ADD2: variants seen among roughly 807,000 people sequenced by gnomAD.
ADD2 encodes beta-adducin.
A neutral mutation model predicts 83.0 loss-of-function variants in ADD2; 23 were observed. The observed-to-expected ratio is 0.28, with a 90% CI of 0.20 to 0.39. The LOEUF (loss-of-function observed/expected upper bound fraction) is 0.39. Among genes scored for constraint, ADD2 ranks in the 10% least tolerant of loss-of-function variants. ADD2 has a pLI of 1.00. For missense variants in ADD2, 758 were observed against 944.9 expected (o/e 0.80, Z 2.59); for synonymous variants, 375 against 375.4 (o/e 1.00, Z 0.01).
intron 1 of ADD2, chr2:70,741,214 C>T (rs1354758513): frequency 6.6e-6 from 1 of 152,176 alleles, no homozygotes; most frequent in African/African-American, 2.4e-5. Context: ...CGGCAAAGAA[C>T]AGTAGCTTAT....
At chr2:70,682,332 A>G (rs573309675) in intron 10 of ADD2, among the ~76,000 whole-genome samples, 1 of 152,338 alleles carries the variant, frequency 6.6e-6, no homozygotes, top group African/African-American at 2.4e-5. Flanking sequence ...GTATGAAACC[A>G]TCTAGTCGCG....
chr2:70,702,152 A>C (rs1671616124), intron 4 of ADD2, among the ~76,000 whole-genome samples: 1 of 152,320 alleles, frequency 6.6e-6, no homozygotes, highest in African/African-American at 2.4e-5. Flanking sequence ...TGATAAAATA[A>C]TTCTAAAGTT....
In ADD2 at chr2:70,768,025, C is replaced by G. The variant is rs1225213615; in HGVS notation, c.-293G>C. The G allele has an allele frequency of 6.7e-7, 1 of 1,500,454 alleles. No individual in the cohort carries two copies. Among genetic ancestry groups the G allele is most frequent in the Non-Finnish European group, 8.9e-7 (1 of 1,123,036 alleles). 92.9% of individuals were successfully genotyped at this position (1,500,454 alleles called of 1,614,324 possible). On this transcript the variant is annotated 5_prime_UTR_variant, in exon 1 of 16. Coordinates refer to ENST00000264436, the MANE Select transcript of ADD2 (RefSeq NM_001617.4). ...AGCGTTTTCTGCCCATGCTGCAGCCCGCGCTCGTCAGAGCTGCTGGGAGAT... is the reference window on the plus strand; with the variant it reads ...AGCGTTTTCTGCCCATGCTGCAGCCGGCGCTCGTCAGAGCTGCTGGGAGAT...
In ADD2 at chr2:70,700,041, T is replaced by C. The variant is rs1671510697; in HGVS notation, c.323-3645A>G. Among the ~76,000 whole-genome samples the C allele has an allele frequency of 2.0e-5, 3 of 152,180 alleles. No individual in the cohort carries two copies. The South Asian group carries it at 6.2e-4, about 32-fold the overall frequency. Reference sequence around the variant, plus strand: ...CTTATGCCGTGAATATTTCAAGACATAGAAAGCAAAAACTATCATAAATAC... The same window carrying C: ...CTTATGCCGTGAATATTTCAAGACACAGAAAGCAAAAACTATCATAAATAC... On this transcript the variant is annotated intron_variant, in intron 4 of 15. Transcript: ENST00000264436.
chr2:70,701,412 G>A (rs1313783795), intron 4 of ADD2, among the ~76,000 whole-genome samples: 2 of 152,032 alleles, frequency 1.3e-5, no homozygotes, highest in Non-Finnish European at 2.9e-5. Flanking sequence ...AAAAATAATT[G>A]TCTCAAACTC....
intron 10 of ADD2, among the ~76,000 whole-genome samples, chr2:70,679,389 C>T (rs1451912859): frequency 2.0e-5 from 3 of 152,224 alleles, no homozygotes; most frequent in Non-Finnish European, 4.4e-5. Context: ...GCCTGGGCTA[C>T]AGGATCTTTA....
chr2:70,664,469 A>G (rs974130732), intron 15 of ADD2, among the ~76,000 whole-genome samples: 1 of 152,188 alleles, frequency 6.6e-6, no homozygotes. Context: ...CTCTCACTCA[A>G]CCTTGCTTCC....
intron 8 of ADD2, among the ~76,000 whole-genome samples, chr2:70,689,355 A>G (rs370038220): frequency 1.6e-4 from 25 of 152,378 alleles, no homozygotes; most frequent in African/African-American, 5.8e-4. Flanking sequence ...GAGCTGGGAC[A>G]CAGATCCATG....
At chr2:70,682,820 C>A (rs1423848707) in intron 10 of ADD2, among the ~76,000 whole-genome samples, 1 of 152,174 alleles carries the variant, frequency 6.6e-6, no homozygotes, top group Non-Finnish European at 1.5e-5. Context: ...TAATTCCTTA[C>A]ATGACTGATT....
chr2:70,672,751 G>A (rs1669952314), intron 15 of ADD2, 127 bp downstream of exon 15: 1 of 1,122,114 alleles, frequency 8.9e-7, no homozygotes, highest in African/African-American at 1.6e-5. Context: ...CCCTATTTCT[G>A]ATTTCCTAGA....
chr2:70,679,363 A>G (rs1553369132), intron 10 of ADD2, among the ~76,000 whole-genome samples: 1 of 152,178 alleles, frequency 6.6e-6, no homozygotes, highest in Admixed American at 6.5e-5. Context: ...TGCCCATTTA[A>G]TCAGATCACA....
intron 14 of ADD2, among the ~76,000 whole-genome samples, chr2:70,673,894 G>A (rs535995712): frequency 9.5e-4 from 144 of 152,334 alleles, no homozygotes; most frequent in Middle Eastern, 6.8e-3. Context: ...GGCCAGCAAG[G>A]GTTTTTTAAG....
At chr2:70,731,976 C>G (rs1307850285) in intron 1 of ADD2, among the ~76,000 whole-genome samples, 1 of 152,212 alleles carries the variant, frequency 6.6e-6, no homozygotes, top group Non-Finnish European at 1.5e-5. Context: ...GTGCCTTCCA[C>G]CTTTCATTTT....
At chr2:70,670,404 T>A (rs1231741498) in intron 15 of ADD2, among the ~76,000 whole-genome samples, 3 of 152,240 alleles carry the variant, frequency 2.0e-5, no homozygotes, top group African/African-American at 7.2e-5. Flanking sequence ...GCTGATCATG[T>A]GATCATGTGA....
At chr2:70,712,960 T>A (rs1028371662) in intron 2 of ADD2, 106 bp downstream of exon 2, 4 of 276,616 alleles carry the variant, frequency 1.4e-5, no homozygotes, top group Non-Finnish European at 2.2e-5. Flanking sequence ...CCTGAGTGTC[T>A]GGAAGCTCAT....
intron 6 of ADD2, 94 bp from the exon 7 acceptor site, chr2:70,692,646 TG>T: frequency 1.5e-6 from 2 of 1,327,450 alleles, no homozygotes; most frequent in African/African-American, 3.0e-5. Flanking sequence ...GCCGCCCACC[TG>T]TCTTCACACA....
At chr2:70,707,463 T>C (rs184988510) in intron 2 of ADD2, among the ~76,000 whole-genome samples, 206 of 152,374 alleles carry the variant, frequency 1.4e-3, no homozygotes, top group African/African-American at 4.3e-3. Context: ...TTAAAATGTG[T>C]GAATGATGAA....
intron 1 of ADD2, among the ~76,000 whole-genome samples, chr2:70,741,725 A>G (rs765331730): frequency 4.6e-5 from 7 of 152,244 alleles, no homozygotes; most frequent in Non-Finnish European, 8.8e-5. Context: ...TAAGGAAGAC[A>G]TGGGACAGGA....
chr2:70,756,495 C>G (rs1257464946), intron 1 of ADD2, among the ~76,000 whole-genome samples: 2 of 152,200 alleles, frequency 1.3e-5, no homozygotes, highest in African/African-American at 4.8e-5. Flanking sequence ...TAAGCAATAT[C>G]AACTCAGTCA....
Sources: gnomAD v4.1 joint callset for allele counts (sites outside exome capture counted in the v4.1 genomes callset) on GRCh38, gnomAD v4.1.1 for gene constraint, MANE v1.5 for transcripts, NCBI Gene and HGNC (gene_info 2026-07-23, HGNC 2026-07-21) for gene names.